The following WIF1 variants were observed in gnomAD, a reference collection of about 807,000 sequenced individuals.
WIF1 encodes the protein Wnt inhibitory factor 1.
Under a neutral mutation model 53.5 loss-of-function variants are expected in WIF1, and 35 were observed. The observed-to-expected ratio is 0.65, with a 90% CI of 0.50 to 0.87. The LOEUF is 0.87. WIF1 is among the 40% of genes least tolerant of loss of function. The probability of loss-of-function intolerance (pLI) is 0.00; values close to 1 mark genes in which losing one functional copy is unlikely to be tolerated. For missense variants in WIF1, 467 were observed against 476.8 expected, an observed-to-expected ratio of 0.98 and a Z score of 0.19; for synonymous variants, 171 against 170.4, an observed-to-expected ratio of 1.00 and a Z score of -0.03.
intron 2 of WIF1, among the ~76,000 whole-genome samples, chr12:65,081,165 C>T (rs371733815): frequency 3.7e-4 from 56 of 151,938 alleles, no homozygotes; most frequent in African/African-American, 1.2e-3. Context: ...CTTTCAGTTC[C>T]GTGGCTGATG....
chr12:65,096,205 G>T lies in WIF1; in HGVS notation c.289-18351C>A, dbSNP rs187473218. On this transcript the variant is annotated intron_variant, in intron 2 of 9. Coordinates refer to ENST00000286574, the MANE Select transcript of WIF1 (RefSeq NM_007191.5). ...CAACCCCATCAAAAAGTGGGCAAAG[G>T]ATATGAACAGACACTTCTCAAAAGA... Among the ~76,000 whole-genome samples, 7 of 152,202 alleles carry T rather than the reference G, an allele frequency of 4.6e-5. No homozygotes were observed. The East Asian group carries it at 1.4e-3, about 29-fold the overall frequency.
intron 6 of WIF1, 41 bp from the exon 7 acceptor site, chr12:65,062,617 G>C: frequency 1.3e-6 from 2 of 1,544,156 alleles, no homozygotes; most frequent in South Asian, 2.4e-5. Context: ...TAGACAGTAG[G>C]TTAAATCTAA....
At position 65,068,789 on chromosome 12, in the gene WIF1, A is replaced by G; in HGVS notation, c.513T>C (p.Ala171=). The part of the protein sequence containing the change: ...GNTILQTPQN[A]IFFKTCQQAE... ...CTTGTTGACATGTTTTAAAGAAGATAGCATTTTGAGGTGTTTGGAGAATGG... is the reference window on the plus strand; with the variant it reads ...CTTGTTGACATGTTTTAAAGAAGATGGCATTTTGAGGTGTTTGGAGAATGG... Residue 171 remains alanine (A), a synonymous_variant, in exon 4 of 10, where the codon GCT becomes GCC. Transcript: ENST00000286574. 1.9e-6 allele frequency: 3 copies of G among 1,613,574 alleles called. No homozygotes were observed. The highest frequency in any genetic ancestry group is 2.5e-6 in the Non-Finnish European group (3 of 1,179,682).
intron 6 of WIF1, among the ~76,000 whole-genome samples, chr12:65,063,547 T>C (rs1882644724): frequency 6.6e-6 from 1 of 152,034 alleles, no homozygotes; most frequent in African/African-American, 2.4e-5. Context: ...ATCCAAAAGT[T>C]CTAAGTGTAT....
At chr12:65,058,340 T>G (rs747059681) in intron 7 of WIF1, among the ~76,000 whole-genome samples, 1 of 152,222 alleles carries the variant, frequency 6.6e-6, no homozygotes, top group Non-Finnish European at 1.5e-5. Flanking sequence ...TGTGAACTAC[T>G]TGGTGAGCCC....
chr12:65,067,288 T>C (rs898361328), intron 5 of WIF1, among the ~76,000 whole-genome samples: 4 of 152,180 alleles, frequency 2.6e-5, no homozygotes. Flanking sequence ...TAAAAATTAA[T>C]TTCCCTGAAA....
chr12:65,086,703 C>CTTTTT (rs35313351), intron 2 of WIF1, among the ~76,000 whole-genome samples: 1 of 134,298 alleles, frequency 7.4e-6, no homozygotes, highest in Non-Finnish European at 1.5e-5. Context: ...GTGTTTCTTT[C>CTTTTT]TTTTTTTTTT....
Position 65,121,039 on chromosome 12 carries a change from C to A in WIF1, c.148+5G>T. On this transcript the variant is annotated splice_donor_5th_base_variant and intron_variant, in intron 1 of 9. Coordinates refer to ENST00000286574, the MANE Select transcript of WIF1 (RefSeq NM_007191.5). The stretch of plus-strand genomic sequence containing the variant: ...AGGGGAAGGCGCTGGAGGCGGGGGC[C>A]TTACCTATGAGTACTCTTGCCTGGT... The A allele has an allele frequency of 1.4e-6, 2 of 1,470,004 alleles. No individual in the cohort carries two copies. Among genetic ancestry groups the A allele is most frequent in the Non-Finnish European group, 1.8e-6 (2 of 1,100,370 alleles). The allele number at this position is 1,470,004 out of a possible 1,614,324, so 91.1% of individuals were successfully genotyped here.
At chr12:65,067,110 A>G (rs1423478894) in intron 5 of WIF1, among the ~76,000 whole-genome samples, 1 of 152,112 alleles carries the variant, frequency 6.6e-6, no homozygotes. Flanking sequence ...AGAAAATATT[A>G]TTCTTTCTTA....
At chr12:65,095,999 A>G (rs1015753225) in intron 2 of WIF1, 2 of 152,230 alleles carry the variant, frequency 1.3e-5, no homozygotes, top group Non-Finnish European at 2.9e-5. Context: ...AATTTCAAGA[A>G]AAGCCAAAAT....
chr12:65,086,492 G>A (rs1416873542), intron 2 of WIF1, among the ~76,000 whole-genome samples: 5 of 152,144 alleles, frequency 3.3e-5, no homozygotes, highest in Non-Finnish European at 7.4e-5. Context: ...GGGGACCAGG[G>A]TCAGTCTAAA....
intron 2 of WIF1, among the ~76,000 whole-genome samples, chr12:65,084,460 C>T (rs750015470): frequency 5.9e-5 from 9 of 152,216 alleles, no homozygotes; most frequent in Non-Finnish European, 1.0e-4. Context: ...ATACCATAGC[C>T]ATGCCTATAT....
chr12:65,053,179 C>T (rs1882467458), intron 9 of WIF1, among the ~76,000 whole-genome samples: 1 of 152,148 alleles, frequency 6.6e-6, no homozygotes. Flanking sequence ...GGATACCATT[C>T]AACCATTCCC....
chr12:65,079,015 C>T (rs1882906240), intron 2 of WIF1, among the ~76,000 whole-genome samples: 1 of 151,688 alleles, frequency 6.6e-6, no homozygotes, highest in Non-Finnish European at 1.5e-5. Context: ...AAATACAAAA[C>T]TTAGCTGGGC....
chr12:65,114,833 C>T (rs966712570), intron 2 of WIF1, among the ~76,000 whole-genome samples: 4 of 152,154 alleles, frequency 2.6e-5, no homozygotes, highest in African/African-American at 9.7e-5. Context: ...TTTCCTGTAT[C>T]CACAGCAACA....
At chr12:65,110,577 T>G (rs2136293841) in intron 2 of WIF1, among the ~76,000 whole-genome samples, 1 of 152,302 alleles carries the variant, frequency 6.6e-6, no homozygotes, top group African/African-American at 2.4e-5. Context: ...GCTGCCCAGG[T>G]TTAAATCCCA....
intron 2 of WIF1, among the ~76,000 whole-genome samples, chr12:65,083,094 A>G (rs1057300508): frequency 3.4e-4 from 51 of 152,188 alleles, no homozygotes; most frequent in South Asian, 2.1e-4. Flanking sequence ...TACTGCAGTT[A>G]CTGTTTATTT....
chr12:65,120,575 A>C lies in WIF1; in HGVS notation c.149-19T>G. 1 of 1,600,952 alleles carries C rather than the reference A, an allele frequency of 6.2e-7. No individual in the cohort carries two copies. The highest frequency in any genetic ancestry group is 8.5e-7 in the Non-Finnish European group (1 of 1,176,260). On this transcript the variant is annotated intron_variant, in intron 1 of 9. Coordinates refer to ENST00000286574, the MANE Select transcript of WIF1 (RefSeq NM_007191.5). ...TCAAATCCTGGTTTTTAAAATAATAAAACGATCAAACCAGGTAGACTTGAA... is the reference window on the plus strand; with the variant it reads ...TCAAATCCTGGTTTTTAAAATAATACAACGATCAAACCAGGTAGACTTGAA...
intron 2 of WIF1, among the ~76,000 whole-genome samples, chr12:65,117,304 G>T (rs536333613): frequency 6.6e-6 from 1 of 152,234 alleles, no homozygotes; most frequent in South Asian, 2.1e-4. Flanking sequence ...AGGTTTACAT[G>T]CACATTAGCA....
Sources: gnomAD v4.1 joint callset for allele counts (sites outside exome capture counted in the v4.1 genomes callset) on GRCh38, gnomAD v4.1.1 for gene constraint, MANE v1.5 for transcripts, NCBI Gene and HGNC (gene_info 2026-07-23, HGNC 2026-07-21) for gene names.